DAAM1: variants seen among roughly 807,000 people sequenced by gnomAD.
DAAM1 encodes the protein dishevelled associated activator of morphogenesis 1.
In DAAM1, 52 loss-of-function variants were observed where a neutral mutation model predicts 130.0. That is an observed-to-expected ratio of 0.40 (90% confidence interval 0.32 to 0.50). The LOEUF (loss-of-function observed/expected upper bound fraction) is 0.50, where lower values mean the gene tolerates loss of function less well. Among genes scored for constraint, DAAM1 ranks in the 20% least tolerant of loss-of-function variants. DAAM1 has a pLI of 0.61. For synonymous variants in DAAM1, 452 were observed against 444.5 expected (o/e 1.02, Z -0.21); for missense variants, 1,134 against 1,303.8 (o/e 0.87, Z 2.01).
intron 3 of DAAM1, among the ~76,000 whole-genome samples, chr14:59,304,372 T>G (rs1884298334): frequency 6.6e-6 from 1 of 152,246 alleles, no homozygotes; most frequent in Non-Finnish European, 1.5e-5. Context: ...AGAGAAGCTT[T>G]GAGCTTCTAG....
At chr14:59,323,973 C>T (rs554863012) in intron 6 of DAAM1, among the ~76,000 whole-genome samples, 155 bp from the exon 7 acceptor site, 6 of 151,176 alleles carry the variant, frequency 4.0e-5, no homozygotes, top group African/African-American at 1.2e-4. Flanking sequence ...TGGAGGTTGC[C>T]GTGAGCTGAG....
At chr14:59,291,389 C>T (rs1883734669) in intron 3 of DAAM1, 83 bp downstream of exon 3, 7 of 1,106,958 alleles carry the variant, frequency 6.3e-6, no homozygotes, top group Middle Eastern at 2.3e-4. Context: ...TAGAATTGGA[C>T]AGCTCTTTGT....
At chr14:59,200,136 G>A (rs911945646) in intron 1 of DAAM1, among the ~76,000 whole-genome samples, 4 of 152,172 alleles carry the variant, frequency 2.6e-5, no homozygotes, top group African/African-American at 9.7e-5. Context: ...ACCACAGCCT[G>A]GGAGGCCAGC....
intron 3 of DAAM1, among the ~76,000 whole-genome samples, chr14:59,302,811 G>A (rs543171672): frequency 4.9e-4 from 75 of 152,128 alleles, no homozygotes; most frequent in African/African-American, 1.8e-3. Flanking sequence ...CCATCACCAC[G>A]CCTGGCTGAT....
rs778495301 is a variant in DAAM1, at chr14:59,322,932, A to G, written c.481A>G (p.Ile161Val). The G allele has an allele frequency of 6.2e-7, 1 of 1,614,012 alleles. No individual in the cohort carries two copies. Reference sequence around the variant, plus strand: ...CATCGACTTGGATGGCCTATCATGTATCCTCAACTTTCTAAAGACCATGGA... The same window carrying G: ...CATCGACTTGGATGGCCTATCATGTGTCCTCAACTTTCTAAAGACCATGGA... ...RFIDLDGLSC[I>V]LNFLKTMDYE... Residue 161 changes from isoleucine to valine, a missense_variant, in exon 6 of 25, where the codon ATC becomes GTC. Ile to Val is a conservative substitution (Grantham distance 29, BLOSUM62 3). Coordinates refer to ENST00000360909, the MANE Select transcript of DAAM1 (RefSeq NM_001270520.2).
At chr14:59,195,576 A>G (rs1276733510) in intron 1 of DAAM1, among the ~76,000 whole-genome samples, 1 of 152,216 alleles carries the variant, frequency 6.6e-6, no homozygotes, top group Non-Finnish European at 1.5e-5. Context: ...AAGGTCACCT[A>G]TTAAACTGGT....
intron 2 of DAAM1, among the ~76,000 whole-genome samples, chr14:59,283,273 A>G (rs1883299736): frequency 6.6e-6 from 1 of 152,190 alleles, no homozygotes; most frequent in African/African-American, 2.4e-5. Context: ...GAAGTGATTT[A>G]TGTCACCATT....
chr14:59,335,848 C>T (rs573401313), intron 15 of DAAM1, among the ~76,000 whole-genome samples: 2 of 152,218 alleles, frequency 1.3e-5, no homozygotes, highest in South Asian at 4.1e-4. Context: ...ATGATACCTT[C>T]TGATTTTTTA....
chr14:59,361,420 G>A (rs1886700987), intron 22 of DAAM1, among the ~76,000 whole-genome samples: 1 of 152,328 alleles, frequency 6.6e-6, no homozygotes, highest in Non-Finnish European at 1.5e-5. Context: ...TGATTACGGA[G>A]GTGCCTTAAG....
chr14:59,326,902 T>C lies in DAAM1; in HGVS notation c.1314-31T>C, dbSNP rs552145113. 3.7e-6 allele frequency: 6 copies of C among 1,612,518 alleles called. No homozygotes were observed. In the African/African-American group the frequency reaches 6.7e-5, roughly 18 times the overall value. ...TTAGCAGTGGACCTTTTATATTTTT[T>C]GTAATAAATGCTCCTTGAACTCTTA... On this transcript the variant is annotated intron_variant, in intron 11 of 24. Transcript: ENST00000360909.
Position 59,243,959 on chromosome 14 carries a change from G to A in DAAM1, c.-37-19482G>A, listed in dbSNP as rs953735711. ...TTCCTTTTACTTCTTTCTATTTGAT[G>A]CTCCCTATTTAAGGGAACATGGAAG... On this transcript the variant is annotated intron_variant, in intron 1 of 24. Transcript: ENST00000360909. 5.9e-5 allele frequency among the ~76,000 whole-genome samples: 9 copies of A among 152,250 alleles called. No homozygotes were observed. In the East Asian group the frequency reaches 1.5e-3, roughly 26 times the overall value.
intron 4 of DAAM1, 129 bp from the exon 5 acceptor site, chr14:59,320,356 GACTTA>G (rs1884958927): frequency 8.4e-6 from 6 of 715,982 alleles, no homozygotes; most frequent in East Asian, 3.1e-5. Context: ...AAATTTGAAA[GACTTA>G]ACTTACTTAA....
chr14:59,354,396 T>G (rs116971470), intron 19 of DAAM1, among the ~76,000 whole-genome samples: 2,507 of 152,282 alleles, frequency 0.016, 59 homozygotes, highest in Middle Eastern at 0.034. Flanking sequence ...CTCAAGGTCT[T>G]TCTTTTAAAA....
At chr14:59,261,022 T>C (rs1471121667) in intron 1 of DAAM1, among the ~76,000 whole-genome samples, 1 of 152,084 alleles carries the variant, frequency 6.6e-6, no homozygotes, top group Non-Finnish European at 1.5e-5. Context: ...CAATTTAGAA[T>C]GGTATTGGGG....
chr14:59,291,041 G>A (rs975938855), intron 2 of DAAM1, among the ~76,000 whole-genome samples, 176 bp from the exon 3 acceptor site: 1 of 152,094 alleles, frequency 6.6e-6, no homozygotes, highest in African/African-American at 2.4e-5. Context: ...CCCCTGCCAG[G>A]GACATGCTTT....
intron 2 of DAAM1, among the ~76,000 whole-genome samples, chr14:59,281,044 C>G (rs1326000951): frequency 2.7e-5 from 2 of 74,810 alleles, no homozygotes; most frequent in Non-Finnish European, 8.0e-5. Flanking sequence ...AGGATGAGTT[C>G]TTCTTACTGT....
chr14:59,278,785 T>C (rs1883084315), intron 2 of DAAM1, among the ~76,000 whole-genome samples: 2 of 152,218 alleles, frequency 1.3e-5, no homozygotes, highest in Admixed American at 1.3e-4. Context: ...GAAGTGATCT[T>C]TGATTTCAAA....
intron 1 of DAAM1, among the ~76,000 whole-genome samples, chr14:59,240,131 T>G (rs576035166): frequency 1.5e-4 from 23 of 152,296 alleles, no homozygotes; most frequent in African/African-American, 5.5e-4. Context: ...ATGCTGTAGC[T>G]TGAAAGATGT....
chr14:59,252,245 A>G (rs1164470595), intron 1 of DAAM1, among the ~76,000 whole-genome samples: 18 of 152,220 alleles, frequency 1.2e-4, no homozygotes, highest in Non-Finnish European at 4.4e-5. Context: ...GTTCACAACC[A>G]CTTCTTGGCC....
Sources: gnomAD v4.1 joint callset for allele counts (sites outside exome capture counted in the v4.1 genomes callset) on GRCh38, gnomAD v4.1.1 for gene constraint, MANE v1.5 for transcripts, NCBI Gene and HGNC (gene_info 2026-07-23, HGNC 2026-07-21) for gene names.